Variants in RELN observed in about 807,000 individuals in gnomAD.
RELN encodes reelin.
Under a neutral mutation model 427.6 loss-of-function variants are expected in RELN, and 108 were observed. The observed-to-expected ratio is 0.25, with a 90% CI of 0.22 to 0.30. The LOEUF is 0.30. RELN is among the 10% of genes least tolerant of loss of function. RELN has a pLI of 1.00. For synonymous variants in RELN, 1,524 were observed against 1,513.4 expected, an observed-to-expected ratio of 1.01 and a Z score of -0.16; for missense variants, 3,715 against 4,302.8, an observed-to-expected ratio of 0.86 and a Z score of 3.82.
intron 8 of RELN, among the ~76,000 whole-genome samples, chr7:103,711,315 T>G (rs944820585): frequency 1.3e-5 from 2 of 152,164 alleles, no homozygotes; most frequent in African/African-American, 4.8e-5. Context: ...CTCACCCAAG[T>G]GGTATAAGCT....
chr7:103,867,418 T>C (rs1405815813), intron 2 of RELN, among the ~76,000 whole-genome samples: 1 of 151,820 alleles, frequency 6.6e-6, no homozygotes, highest in Non-Finnish European at 1.5e-5. Context: ...GGCATAAAAA[T>C]ATGAAGTCAT....
At chr7:103,607,107 G>T (rs1304195737) in intron 22 of RELN, among the ~76,000 whole-genome samples, 1 of 102,976 alleles carries the variant, frequency 9.7e-6, no homozygotes, top group African/African-American at 3.9e-5. Context: ...GGTGGGGGGT[G>T]GGGGGAGGGA....
At chr7:103,938,605 T>A (rs1341643062) in intron 1 of RELN, among the ~76,000 whole-genome samples, 1 of 152,224 alleles carries the variant, frequency 6.6e-6, no homozygotes, top group Non-Finnish European at 1.5e-5. Context: ...AATAACTGAA[T>A]TATCTAATTA....
intron 36 of RELN, among the ~76,000 whole-genome samples, chr7:103,559,833 T>C (rs900003920): frequency 5.3e-5 from 8 of 152,300 alleles, no homozygotes; most frequent in Admixed American, 3.9e-4. Context: ...AGCTTTGAGA[T>C]AGACAGTTGA....
At chr7:103,649,582 AAAATAG>A (rs1832869324) in intron 16 of RELN, among the ~76,000 whole-genome samples, 1 of 152,106 alleles carries the variant, frequency 6.6e-6, no homozygotes, top group East Asian at 1.9e-4. Context: ...AATAAAAATA[AAAATAG>A]AAAGACAAAA....
chr7:103,690,134 A>G (rs774581178), intron 10 of RELN, among the ~76,000 whole-genome samples: 24 of 152,164 alleles, frequency 1.6e-4, no homozygotes, highest in Non-Finnish European at 7.4e-5. Context: ...ACTATTATTT[A>G]TCATAACTAT....
rs368049573 is a variant in RELN at position 103,917,167 on chromosome 7, G to A, written c.245C>T (p.Thr82Ile). 7 of 1,613,284 alleles carry A rather than the reference G, an allele frequency of 4.3e-6. No homozygotes were observed. The African/African-American group carries it at 8.0e-5, about 18-fold the overall frequency. ...QEYHVTISTS[T>I]FFDGLLVTGL... ...TGTCACCAGCAAGCCGTCAAAAAAG[G>A]TGCTTGTTGAAATTGTCACTGAAAT... The change falls in exon 2 of 65, where the codon ACC (threonine) becomes ATC (isoleucine). Residue 82 changes from threonine (T) to isoleucine (I), a missense_variant. This residue lies in a region of RELN where 2,208 missense variants were observed against 2,361.7 expected (regional missense o/e 0.93). Coordinates refer to ENST00000428762, the MANE Select transcript of RELN (RefSeq NM_005045.4).
At chr7:103,651,640 T>A in intron 15 of RELN, 21 bp downstream of exon 15, 1 of 1,607,540 alleles carries the variant, frequency 6.2e-7, no homozygotes, top group Non-Finnish European at 8.5e-7. Flanking sequence ...TATTTCAATA[T>A]CTCAGAGAGA....
intron 4 of RELN, among the ~76,000 whole-genome samples, chr7:103,765,516 C>G (rs1791407389): frequency 6.6e-6 from 1 of 152,116 alleles, no homozygotes; most frequent in African/African-American, 2.4e-5. Context: ...TATAAAAAAT[C>G]TATATTAATT....
Position 103,575,584 on chromosome 7 carries a change from T to C in RELN, c.4267A>G (p.Ile1423Val), listed in dbSNP as rs935125504. The C allele has an allele frequency of 6.2e-7, 1 of 1,614,150 alleles. No homozygotes were observed. The highest frequency in any genetic ancestry group is 8.5e-7 in the Non-Finnish European group (1 of 1,180,002). ...AGGTCACAGAAACACACTCCTGAAA[T>C]GCAGTCCCCATGGCCACTGCAGTAA... ...PSYCSGHGDC[I>V]SGVCFCDLGY... is the part of the protein sequence containing the mutation. Residue 1423 changes from isoleucine (I) to valine (V), a missense_variant, in exon 29 of 65, where the codon ATT becomes GTT. By Grantham distance (29) the Ile-to-Val change is conservative. Transcript: ENST00000428762.
chr7:103,953,486 T>C lies in RELN; in HGVS notation c.226+35645A>G, dbSNP rs758331721. Among the ~76,000 whole-genome samples the C allele has an allele frequency of 6.6e-6, 1 of 152,152 alleles. No individual in the cohort carries two copies. Among genetic ancestry groups the C allele is most frequent in the Non-Finnish European group, 1.5e-5 (1 of 68,036 alleles). ...CTCTTGACAAATCACATTTTGGCAG[T>C]GCTGATATTTTTAAGGCACTGGTAG... On this transcript the variant is annotated intron_variant, in intron 1 of 64. Coordinates refer to ENST00000428762, the MANE Select transcript of RELN (RefSeq NM_005045.4). This position sits in a 1 kb window ranked among gnomAD's most constrained non-coding sequence, Gnocchi z 4.3.
At chr7:103,653,605 A>C (rs1832967324) in intron 13 of RELN, among the ~76,000 whole-genome samples, 1 of 152,074 alleles carries the variant, frequency 6.6e-6, no homozygotes, top group South Asian at 2.1e-4. Context: ...GATGCTTGCA[A>C]ATAACCAGAG....
chr7:103,663,376 G>C (rs1833186748), intron 11 of RELN, among the ~76,000 whole-genome samples: 1 of 152,162 alleles, frequency 6.6e-6, no homozygotes, highest in Non-Finnish European at 1.5e-5. Context: ...GCGGGATTAA[G>C]GGATTCCATC....
At position 103,837,257 on chromosome 7, in the gene RELN, G is replaced by A. The variant is rs192080288; in HGVS notation, c.338-3585C>T. Among the ~76,000 whole-genome samples the A allele has an allele frequency of 3.9e-5, 6 of 152,250 alleles. No individual in the cohort carries two copies. In the East Asian group the frequency reaches 1.2e-3, roughly 30 times the overall value. ...TTCTCTAAAAGGCATACATGATCAT[G>A]TCAATCCCTGTGAAATCTACTTACA... On this transcript the variant is annotated intron_variant, in intron 2 of 64. Transcript: ENST00000428762.
chr7:103,836,909 A>T (rs1223846836), intron 2 of RELN, among the ~76,000 whole-genome samples: 3 of 152,040 alleles, frequency 2.0e-5, no homozygotes, highest in Non-Finnish European at 4.4e-5. Flanking sequence ...ACTAATCCAC[A>T]TTCCTCTAGC....
intron 2 of RELN, among the ~76,000 whole-genome samples, chr7:103,876,607 T>C (rs1290551931): frequency 6.6e-6 from 1 of 152,220 alleles, no homozygotes; most frequent in Non-Finnish European, 1.5e-5. Context: ...TAAAGCCTGA[T>C]GCATGGTTGA....
intron 1 of RELN, among the ~76,000 whole-genome samples, chr7:103,921,293 AAAT>A (rs1375460811): frequency 4.6e-5 from 7 of 152,352 alleles, no homozygotes; most frequent in African/African-American, 1.7e-4. Flanking sequence ...TAAAATCATT[AAAT>A]AATAATCTAG....
At chr7:103,666,351 T>G (rs1433997578) in intron 11 of RELN, among the ~76,000 whole-genome samples, 3 of 152,148 alleles carry the variant, frequency 2.0e-5, no homozygotes, top group Non-Finnish European at 4.4e-5. Context: ...GGATTACAGG[T>G]GTCAGCCACT....
chr7:103,671,560 T>C (rs923454480), intron 11 of RELN, among the ~76,000 whole-genome samples: 2 of 152,144 alleles, frequency 1.3e-5, no homozygotes, highest in Admixed American at 6.6e-5. Flanking sequence ...TCCCGTAAAA[T>C]GTAGTGATAT....
Sources: gnomAD v4.1 joint callset for allele counts (sites outside exome capture counted in the v4.1 genomes callset) on GRCh38, gnomAD v4.1.1 for gene constraint, gnomAD v4.1.1 regional missense constraint, Gnocchi (gnomAD v3.1) non-coding constraint, MANE v1.5 for transcripts, NCBI Gene and HGNC (gene_info 2026-07-23, HGNC 2026-07-21) for gene names.